The following WDR59 variants were observed in gnomAD, a reference collection of about 807,000 sequenced individuals.
The protein encoded by WDR59 is WD repeat domain 59.
WDR59 carries 100 observed loss-of-function variants against 131.2 expected under a neutral mutation model. The observed-to-expected ratio is 0.76, with a 90% CI of 0.65 to 0.90. The LOEUF is 0.90. WDR59 is among the 40% of genes least tolerant of loss of function. The pLI is 0.00. For synonymous variants in WDR59, 601 were observed against 466.2 expected (o/e 1.29, Z -3.72); for missense variants, 1,203 against 1,262.2 (o/e 0.95, Z 0.71).
intron 13 of WDR59, among the ~76,000 whole-genome samples, chr16:74,913,478 A>G (rs1966208114): frequency 6.6e-6 from 1 of 151,922 alleles, no homozygotes; most frequent in Admixed American, 6.6e-5. Context: ...TTTGGTAGAG[A>G]TGGGGTTTCG....
At chr16:74,940,728 C>T (rs796613683) in intron 7 of WDR59, among the ~76,000 whole-genome samples, 22 of 152,142 alleles carry the variant, frequency 1.4e-4, no homozygotes, top group South Asian at 4.2e-4. Flanking sequence ...ATTTTTGAGA[C>T]GGAGTCTTGC....
At chr16:74,921,344 C>T (rs1294885535) in intron 10 of WDR59, among the ~76,000 whole-genome samples, 1 of 152,102 alleles carries the variant, frequency 6.6e-6, no homozygotes, top group Non-Finnish European at 1.5e-5. Flanking sequence ...CAAAATTTTG[C>T]TACTGGCCAG....
At chr16:74,913,079 G>C (rs1408167272) in intron 13 of WDR59, among the ~76,000 whole-genome samples, 3 of 151,894 alleles carry the variant, frequency 2.0e-5, no homozygotes, top group East Asian at 1.9e-4. Context: ...TTGGGGGGGG[G>C]GGGGGCCTGT....
intron 1 of WDR59, among the ~76,000 whole-genome samples, chr16:74,977,615 G>A (rs551017768): frequency 6.6e-6 from 1 of 152,252 alleles, no homozygotes; most frequent in Non-Finnish European, 1.5e-5. Context: ...GTGAACCCGG[G>A]AGGCGGAGCT....
intron 18 of WDR59, among the ~76,000 whole-genome samples, chr16:74,901,648 T>C (rs76874168): frequency 0.057 from 8,233 of 145,236 alleles, 532 homozygotes; most frequent in African/African-American, 0.17. Context: ...AGGCCCCATC[T>C]CTTAAAAAAA....
chr16:74,914,342 C>T (rs1414317721), intron 13 of WDR59, among the ~76,000 whole-genome samples: 2 of 152,154 alleles, frequency 1.3e-5, no homozygotes, highest in Non-Finnish European at 2.9e-5. Flanking sequence ...TCAAATGGGA[C>T]AAAGGGAGTA....
rs114977091 is a variant in WDR59 at position 74,906,452 on chromosome 16, G to C, written c.1713-2352C>G. Among the ~76,000 whole-genome samples, 1,182 of 152,086 alleles carry C rather than the reference G, an allele frequency of 7.8e-3. 12 individuals carry two copies. Among genetic ancestry groups the C allele is most frequent in the African/African-American group, 0.027 (1,108 of 41,482 alleles). Reference sequence around the variant, plus strand: ...AACATTGCTAGTGACAGGGTAAATGGCACAACCACTGTGCACAAACTTTTG... The same window carrying C: ...AACATTGCTAGTGACAGGGTAAATGCCACAACCACTGTGCACAAACTTTTG... On this transcript the variant is annotated intron_variant, in intron 17 of 25. Transcript: ENST00000262144.
chr16:74,906,313 C>CAAATAAAAAAAA (rs1965814999), intron 17 of WDR59, among the ~76,000 whole-genome samples: 1 of 32,460 alleles, frequency 3.1e-5, no homozygotes, highest in African/African-American at 1.1e-4. Context: ...GACTCCGTCT[C>CAAATAAAAAAAA]AAAAAAAAAA....
chr16:74,884,694 C>T (rs180777842), intron 25 of WDR59, among the ~76,000 whole-genome samples: 1 of 152,262 alleles, frequency 6.6e-6, no homozygotes, highest in Admixed American at 6.5e-5. Flanking sequence ...CCTGATATAA[C>T]CCTAAGTTCT....
intron 18 of WDR59, among the ~76,000 whole-genome samples, chr16:74,894,714 T>G (rs1171584734): frequency 6.6e-6 from 1 of 152,156 alleles, no homozygotes; most frequent in Non-Finnish European, 1.5e-5. Context: ...AATCAAGATT[T>G]CCAGGTCTTA....
chr16:74,937,927 A>G (rs1235278415), intron 8 of WDR59, among the ~76,000 whole-genome samples: 5 of 152,262 alleles, frequency 3.3e-5, no homozygotes, highest in Non-Finnish European at 7.3e-5. Context: ...CTCTGCCATC[A>G]TAACACAATG....
At chr16:74,923,666 C>T (rs1597723962) in intron 9 of WDR59, among the ~76,000 whole-genome samples, 1 of 151,898 alleles carries the variant, frequency 6.6e-6, no homozygotes, top group Admixed American at 6.6e-5. Context: ...TTAGTAGAGA[C>T]GGGGTTTCAC....
chr16:74,932,934 C>T (rs1219824502), intron 8 of WDR59, among the ~76,000 whole-genome samples: 2 of 152,182 alleles, frequency 1.3e-5, no homozygotes, highest in Non-Finnish European at 2.9e-5. Context: ...CAAGATAATA[C>T]ATGTGTTTCT....
In WDR59 at chr16:74,985,084, G is replaced by T; in HGVS notation, c.-67C>A. The T allele has an allele frequency of 6.8e-7, 1 of 1,465,646 alleles. No homozygotes were observed. The highest frequency in any genetic ancestry group is 1.2e-5 in the South Asian group (1 of 82,338). 90.8% of individuals were successfully genotyped at this position (1,465,646 alleles called of 1,614,324 possible). On this transcript the variant is annotated 5_prime_UTR_variant, in exon 1 of 26. Coordinates refer to ENST00000262144, the MANE Select transcript of WDR59 (RefSeq NM_030581.4). ...CACCCCGCCGTCCCCAGTATCCCGGGACCGTGCGCCCCACACAGCCAGAGA... is the reference window on the plus strand; with the variant it reads ...CACCCCGCCGTCCCCAGTATCCCGGTACCGTGCGCCCCACACAGCCAGAGA...
chr16:74,891,251 C>G (rs1466379880), intron 20 of WDR59, among the ~76,000 whole-genome samples: 2 of 151,880 alleles, frequency 1.3e-5, no homozygotes, highest in Non-Finnish European at 2.9e-5. Context: ...GACTTTGAAT[C>G]AAGGAGTTTA....
intron 8 of WDR59, among the ~76,000 whole-genome samples, chr16:74,935,223 C>G (rs1009457182): frequency 4.0e-5 from 6 of 151,142 alleles, no homozygotes; most frequent in African/African-American, 1.5e-4. Context: ...GAGCAAGACT[C>G]TGTCTCAAAA....
chr16:74,984,572 A>G lies in WDR59; in HGVS notation c.54+392T>C, dbSNP rs2034550523. On this transcript the variant is annotated intron_variant, in intron 1 of 25. Transcript: ENST00000262144. ...CACCCCAACAGGGTTACGTCCACGC[A>G]GCTGAGACTTAGAAAAGTCCCGCGA... The G allele has an allele frequency of 3.4e-5, 9 of 266,260 alleles. No homozygotes were observed. The South Asian group carries it at 4.9e-4, about 14-fold the overall frequency. 16.5% of individuals were successfully genotyped at this position (266,260 alleles called of 1,614,324 possible). A position where few individuals can be genotyped will look rare whatever the true frequency, so the allele number is the denominator to read the frequency against.
chr16:74,920,243 G>A (rs889529183), intron 10 of WDR59, among the ~76,000 whole-genome samples: 2 of 152,048 alleles, frequency 1.3e-5, no homozygotes, highest in Non-Finnish European at 2.9e-5. Context: ...ATAATGCACA[G>A]TATTCAATAA....
At chr16:74,877,533 T>C (rs1023259254) in intron 25 of WDR59, among the ~76,000 whole-genome samples, 9 of 152,188 alleles carry the variant, frequency 5.9e-5, no homozygotes, top group African/African-American at 2.2e-4. Flanking sequence ...GTTTATTTAT[T>C]GATTGATTGA....
Sources: allele counts gnomAD v4.1 joint callset (sites outside exome capture counted in the v4.1 genomes callset), GRCh38; gene constraint gnomAD v4.1.1; transcripts MANE v1.5; gene names NCBI Gene and HGNC (gene_info 2026-07-23, HGNC 2026-07-21).